The following SLX4 variants were observed in gnomAD, a reference collection of about 807,000 sequenced individuals.
SLX4 encodes structure-specific endonuclease subunit SLX4.
In SLX4, 112 loss-of-function variants were observed where a neutral mutation model predicts 146.2. That is an observed-to-expected ratio of 0.77 (90% CI 0.66 to 0.90). The LOEUF is 0.90. Ranked by LOEUF, SLX4 falls within the 40% of genes least tolerant of loss-of-function variation. The probability of loss-of-function intolerance (pLI) is 0.00; values close to 1 mark genes in which losing one functional copy is unlikely to be tolerated. For missense variants in SLX4, 2,563 were observed against 2,392.7 expected, an observed-to-expected ratio of 1.07 and a Z score of -1.49; for synonymous variants, 1,061 against 997.7, an observed-to-expected ratio of 1.06 and a Z score of -1.20.
chr16:3,606,261 A>G (rs1027488450), intron 3 of SLX4, among the ~76,000 whole-genome samples: 2 of 152,114 alleles, frequency 1.3e-5, no homozygotes, highest in Non-Finnish European at 2.9e-5. Flanking sequence ...AGAAAAAAAA[A>G]CAAAACGGTA....
At position 3,590,913 on chromosome 16, in the gene SLX4, A is replaced by G. The variant is rs774477719; in HGVS notation, c.2725T>C (p.Leu909=). 5.0e-6 allele frequency: 8 copies of G among 1,613,808 alleles called. No homozygotes were observed. In the South Asian group the frequency reaches 5.5e-5, roughly 11 times the overall value. The part of the protein sequence containing the change: ...QWDKVEEMEP[L]EPGRDEAATT... ...GCGGCCTCATCTCTTCCTGGCTCCA[A>G]CGGCTCCATCTCCTCCACCTTGTCC... The change falls in exon 12 of 15, where the codon TTG becomes CTG. Residue 909 remains leucine (L), a synonymous_variant. Coordinates refer to ENST00000294008, the MANE Select transcript of SLX4 (RefSeq NM_032444.4). The surrounding 1 kb of genome is among the most constrained non-coding windows in gnomAD (Gnocchi z 4.8).
In SLX4 at chr16:3,597,399, C is replaced by T. The variant is rs763869769; in HGVS notation, c.1663G>A (p.Val555Met). ...CTCACCTGGGCAGGCCGCTGGGGCA[C>T]GAGAGGAGGGACCAGCCTGGCCGTG... is the stretch of plus-strand genomic sequence containing the variant. ...FYTARLVPPL[V>M]PQRPAQGLMQ... Residue 555 changes from valine (V) to methionine (M), a missense_variant, in exon 7 of 15, where the codon GTG (valine) becomes ATG (methionine). By Grantham distance (21) the Val-to-Met change is conservative. Coordinates refer to ENST00000294008, the MANE Select transcript of SLX4 (RefSeq NM_032444.4). The surrounding 1 kb of genome is among the most constrained non-coding windows in gnomAD (Gnocchi z 4.4). 6 of 1,588,316 alleles carry T rather than the reference C, an allele frequency of 3.8e-6. No individual in the cohort carries two copies. Among genetic ancestry groups the T allele is most frequent in the East Asian group, 2.3e-5 (1 of 44,220 alleles).
intron 3 of SLX4, among the ~76,000 whole-genome samples, chr16:3,603,235 G>A (rs2040747513): frequency 6.6e-6 from 1 of 152,194 alleles, no homozygotes; most frequent in Non-Finnish European, 1.5e-5. Flanking sequence ...TAGAGACAGG[G>A]CTTCACCATG....
chr16:3,607,314 TA>T (rs2040797900), intron 2 of SLX4, among the ~76,000 whole-genome samples: 1 of 152,174 alleles, frequency 6.6e-6, no homozygotes, highest in African/African-American at 2.4e-5. Flanking sequence ...TCCAGTAGTC[TA>T]TGCGACCTGA....
chr16:3,599,388 G>A (rs1406711048), intron 5 of SLX4, among the ~76,000 whole-genome samples: 9 of 152,234 alleles, frequency 5.9e-5, no homozygotes, highest in Admixed American at 5.9e-4. Context: ...TATGAACCTG[G>A]TGTCAGCTCT....
chr16:3,582,984 A>G, intron 14 of SLX4, 113 bp downstream of exon 14: 1 of 1,391,416 alleles, frequency 7.2e-7, no homozygotes, highest in Non-Finnish European at 1.0e-6. Context: ...TCAAACCCAG[A>G]AGGTGACGGG....
At chr16:3,600,543 ATT>A (rs1343415490) in intron 5 of SLX4, 2 of 195,450 alleles carry the variant, frequency 1.0e-5, no homozygotes, top group African/African-American at 5.5e-5. Flanking sequence ...TAAGTGTTTC[ATT>A]TCCAGAATCA....
intron 3 of SLX4, 152 bp from the exon 4 acceptor site, chr16:3,602,459 C>G: frequency 1.1e-6 from 1 of 871,882 alleles, no homozygotes; most frequent in East Asian, 2.5e-5. Flanking sequence ...GTGACTTGGA[C>G]ACTGTCCAGT....
chr16:3,590,447 C>A lies in SLX4; in HGVS notation c.3191G>T (p.Gly1064Val), dbSNP rs979014024. The A allele has an allele frequency of 3.1e-6, 5 of 1,614,172 alleles. No homozygotes were observed. Among genetic ancestry groups the A allele is most frequent in the Non-Finnish European group, 3.4e-6 (4 of 1,180,014 alleles). ...SSLSTPRSRG[G>V]TSQVGSPTLL... ...GGTTGGGGAGCCCACCTGGGAAGTTCCGCCACGGGACCGGGGTGTTGACAG... is the reference window on the plus strand; with the variant it reads ...GGTTGGGGAGCCCACCTGGGAAGTTACGCCACGGGACCGGGGTGTTGACAG... The change falls in exon 12 of 15, where the codon GGA (glycine) becomes GTA (valine). Residue 1064 changes from glycine (G) to valine (V), a missense_variant. Physicochemically the swap from Gly to Val is moderately radical, Grantham distance 109 (BLOSUM62 -3). Transcript: ENST00000294008. The surrounding 1 kb of genome is among the most constrained non-coding windows in gnomAD (Gnocchi z 4.8).
At position 3,582,449 on chromosome 16, in the gene SLX4, A is replaced by G; in HGVS notation, c.5398T>C (p.Phe1800Leu). The G allele has an allele frequency of 1.2e-6, 2 of 1,613,982 alleles. No homozygotes were observed. The highest frequency in any genetic ancestry group is 1.7e-6 in the Non-Finnish European group (2 of 1,180,038). ...LRVSSRRLLD[F>L]LDTHCITFTT... Reference sequence around the variant, plus strand: ...AAGGTGATACAGTGGGTGTCCAGGAAGTCCAACAGCCTGCGCGAGGACACA... The same window carrying G: ...AAGGTGATACAGTGGGTGTCCAGGAGGTCCAACAGCCTGCGCGAGGACACA... Residue 1800 changes from phenylalanine (F) to leucine (L), a missense_variant, in exon 15 of 15, where the codon TTC becomes CTC. Phe to Leu is a conservative substitution (Grantham distance 22). Coordinates refer to ENST00000294008, the MANE Select transcript of SLX4 (RefSeq NM_032444.4).
rs549675349 is a variant in SLX4, at chr16:3,587,901, C to G, written c.4636+1101G>C. ...CCAGTCATGCTCAGCCCAGCCCGGC[C>G]TGTCCTTGCCCTCCCCGGAGGTGCC... On this transcript the variant is annotated intron_variant, in intron 12 of 14. Transcript: ENST00000294008. Among the ~76,000 whole-genome samples, 6 of 151,258 alleles carry G rather than the reference C, an allele frequency of 4.0e-5. No individual in the cohort carries two copies. In the South Asian group the frequency reaches 1.3e-3, roughly 32 times the overall value.
rs1183497105 is a variant in SLX4, at chr16:3,596,150, C to T, written c.1924+3G>A. On this transcript the variant is annotated splice_donor_region_variant and intron_variant, in intron 8 of 14. Transcript: ENST00000294008. ...GGCCCTAGAGTCCCACCCAGCATCT[C>T]ACCTGCAGTCCCTTCCGAGCCAGCC... The T allele has an allele frequency of 1.9e-6, 3 of 1,550,024 alleles. No individual in the cohort carries two copies. In the South Asian group the frequency reaches 3.6e-5, roughly 18 times the overall value.
chr16:3,592,682 TG>T lies in SLX4; in HGVS notation c.2327+16del. 6.2e-7 allele frequency: 1 copy of T among 1,611,220 alleles called. No homozygotes were observed. The highest frequency in any genetic ancestry group is 8.5e-7 in the Non-Finnish European group (1 of 1,179,198). On this transcript the variant is annotated intron_variant, in intron 11 of 14. Transcript: ENST00000294008. ...GTCCTCGTCAGTTAATTTCAAAAGC[TG>T]GGGAGCAATCCAGACCTGTGGGCCA...
At chr16:3,591,364 G>C in intron 11 of SLX4, 54 bp from the exon 12 acceptor site, 1 of 1,600,574 alleles carries the variant, frequency 6.2e-7, no homozygotes, top group South Asian at 1.1e-5. Context: ...ATGGGCTCTG[G>C]GTGCCCCGGT....
intron 1 of SLX4, among the ~76,000 whole-genome samples, chr16:3,610,453 G>A (rs1325110754): frequency 3.3e-5 from 5 of 152,168 alleles, no homozygotes; most frequent in African/African-American, 1.2e-4. Context: ...TGTGTGCCAA[G>A]CACTGTTCCA....
Position 3,589,540 on chromosome 16 carries a change from G to A in SLX4, c.4098C>T (p.Arg1366=), listed in dbSNP as rs770811758. The A allele has an allele frequency of 9.3e-6, 15 of 1,610,234 alleles. No homozygotes were observed. Among genetic ancestry groups the A allele is most frequent in the Admixed American group, 5.0e-5 (3 of 59,972 alleles). Reference sequence around the variant, plus strand: ...TCAGGAACCGCCTGCTGAAGTGGGCGCGGTCCCCTGAGATGGGATGTGGAG... The same window carrying A: ...TCAGGAACCGCCTGCTGAAGTGGGCACGGTCCCCTGAGATGGGATGTGGAG... ...PLAPHPISGD[R]AHFSRRFLKH... Residue 1366 remains arginine (R), a synonymous_variant, in exon 12 of 15, where the codon CGC becomes CGT. Transcript: ENST00000294008. This position sits in a 1 kb window ranked among gnomAD's most constrained non-coding sequence, Gnocchi z 6.2.
At chr16:3,602,063 G>C (rs987645697) in intron 4 of SLX4, 55 bp downstream of exon 4, 15 of 1,610,290 alleles carry the variant, frequency 9.3e-6, no homozygotes, top group Non-Finnish European at 1.2e-5. Context: ...GCCCTGGGGT[G>C]CTTGGGGATT....
chr16:3,597,110 T>C lies in SLX4; in HGVS notation c.1683+269A>G, dbSNP rs2040669520. ...TGCAGGGATTACGGGCGTGAGCCAC[T>C]GCGCCCGGCCGGGACTCTGCATTTT... On this transcript the variant is annotated intron_variant, in intron 7 of 14. Coordinates refer to ENST00000294008, the MANE Select transcript of SLX4 (RefSeq NM_032444.4). The surrounding 1 kb of genome is among the most constrained non-coding windows in gnomAD (Gnocchi z 4.4). Among the ~76,000 whole-genome samples, 1 of 152,182 alleles carries C rather than the reference T, an allele frequency of 6.6e-6. No homozygotes were observed. The highest frequency in any genetic ancestry group is 1.5e-5 in the Non-Finnish European group (1 of 68,026).
chr16:3,586,496 G>A (rs1296150210), intron 12 of SLX4, among the ~76,000 whole-genome samples: 1 of 152,084 alleles, frequency 6.6e-6, no homozygotes, highest in Non-Finnish European at 1.5e-5. Flanking sequence ...ACTTCAGCCT[G>A]GGTGACAGAG....
Sources: gnomAD v4.1 joint callset for allele counts (sites outside exome capture counted in the v4.1 genomes callset) on GRCh38, gnomAD v4.1.1 for gene constraint, Gnocchi (gnomAD v3.1) non-coding constraint, MANE v1.5 for transcripts, NCBI Gene and HGNC (gene_info 2026-07-23, HGNC 2026-07-21) for gene names.